The following AMPD3 variants were observed in gnomAD, a reference collection of about 807,000 sequenced individuals.
AMPD3 encodes AMP deaminase 3.
In AMPD3, 57 loss-of-function variants were observed where a neutral mutation model predicts 82.3. The observed-to-expected ratio is 0.69, with a 90% confidence interval of 0.56 to 0.86. The LOEUF (loss-of-function observed/expected upper bound fraction) is 0.86, where lower values mean the gene tolerates loss of function less well. Among genes scored for constraint, AMPD3 ranks in the 40% least tolerant of loss-of-function variants. The pLI, the probability that AMPD3 is intolerant of heterozygous loss-of-function variation, is 0.00. For synonymous variants in AMPD3, 381 were observed against 394.7 expected, an observed-to-expected ratio of 0.97 and a Z score of 0.41; for missense variants, 870 against 1,003.8, an observed-to-expected ratio of 0.87 and a Z score of 1.80.
At chr11:10,459,432 T>G (rs1848193458) in intron 1 of AMPD3, among the ~76,000 whole-genome samples, 1 of 152,108 alleles carries the variant, frequency 6.6e-6, no homozygotes, top group Non-Finnish European at 1.5e-5. Flanking sequence ...ACCACTTAGT[T>G]CAATCCCTTT....
At chr11:10,488,934 T>G (rs1364408905) in intron 6 of AMPD3, among the ~76,000 whole-genome samples, 2 of 152,160 alleles carry the variant, frequency 1.3e-5, no homozygotes, top group African/African-American at 4.8e-5. Flanking sequence ...AGACCCTACC[T>G]GGAGGCCCTA....
chr11:10,477,884 C>A, intron 2 of AMPD3: 1 of 985,436 alleles, frequency 1.0e-6, no homozygotes, highest in Non-Finnish European at 1.2e-6. Context: ...AGTAGGTCTG[C>A]TGCCAGCCAT....
chr11:10,470,466 G>C (rs1401401785), intron 2 of AMPD3, among the ~76,000 whole-genome samples: 1 of 152,150 alleles, frequency 6.6e-6, no homozygotes, highest in East Asian at 1.9e-4. Context: ...TCTGGCAGGG[G>C]CAATCAGGCA....
intron 7 of AMPD3, 63 bp from the exon 8 acceptor site, chr11:10,494,836 G>T: frequency 6.3e-7 from 1 of 1,587,220 alleles, no homozygotes; most frequent in East Asian, 2.2e-5. Flanking sequence ...TAAAGGTCTA[G>T]AGAGGGGAAC....
At chr11:10,471,273 A>C (rs1848581577) in intron 2 of AMPD3, among the ~76,000 whole-genome samples, 1 of 148,044 alleles carries the variant, frequency 6.8e-6, no homozygotes, top group Admixed American at 6.7e-5. Flanking sequence ...CAAAAAACTG[A>C]AACTGGACTC....
intron 11 of AMPD3, chr11:10,500,965 G>A: frequency 1.0e-6 from 1 of 985,406 alleles, no homozygotes; most frequent in Non-Finnish European, 1.2e-6. Context: ...TTTCGAATGG[G>A]GTCCTGATTG....
chr11:10,461,122 A>C, intron 1 of AMPD3: 3 of 1,189,480 alleles, frequency 2.5e-6, no homozygotes, highest in Admixed American at 3.7e-5. Context: ...TTATTGTTGC[A>C]GCTATAACAG....
At chr11:10,502,967 C>G (rs1380935882) in intron 13 of AMPD3, 73 bp downstream of exon 13, 63 of 1,549,214 alleles carry the variant, frequency 4.1e-5, no homozygotes, top group Middle Eastern at 3.6e-4. Context: ...ATTTCAGGAA[C>G]CTGAGCCCAT....
In AMPD3 at chr11:10,502,837, C is replaced by G; in HGVS notation, c.1959C>G (p.His653Gln). The G allele has an allele frequency of 6.2e-7, 1 of 1,614,208 alleles. No individual in the cohort carries two copies. The highest frequency in any genetic ancestry group is 8.5e-7 in the Non-Finnish European group (1 of 1,180,020). The change falls in exon 13 of 15, where the codon CAC becomes CAG. Residue 653 changes from histidine to glutamine, a missense_variant. Physicochemically the swap from His to Gln is conservative, Grantham distance 24 (BLOSUM62 0). Coordinates refer to ENST00000396553, the MANE Select transcript of AMPD3 (RefSeq NM_001025389.2). ...AGAACCCTCTGAGGGAATTCCTACA[C>G]AAGGGACTGCATGTTTCTCTTTCCA... ...YSKNPLREFL[H>Q]KGLHVSLSTD...
intron 2 of AMPD3, among the ~76,000 whole-genome samples, chr11:10,468,749 A>C (rs1159526202): frequency 6.6e-6 from 1 of 152,128 alleles, no homozygotes; most frequent in Non-Finnish European, 1.5e-5. Flanking sequence ...GAAGTAAAAC[A>C]CTCCTCAGCA....
At chr11:10,487,503 G>T (rs1463574221) in intron 6 of AMPD3, 139 bp downstream of exon 6, 5 of 1,213,348 alleles carry the variant, frequency 4.1e-6, no homozygotes, top group Non-Finnish European at 4.8e-6. Flanking sequence ...GGCCAGAGGG[G>T]TATGAAGCAT....
chr11:10,482,346 T>C, intron 4 of AMPD3, 121 bp downstream of exon 4: 5 of 1,158,406 alleles, frequency 4.3e-6, no homozygotes, highest in Non-Finnish European at 6.0e-6. Context: ...GTTCTTTCAT[T>C]GGCTTCTCCC....
intron 7 of AMPD3, 68 bp from the exon 8 acceptor site, chr11:10,494,831 G>T (rs575627303): frequency 3.2e-6 from 5 of 1,583,762 alleles, no homozygotes; most frequent in Non-Finnish European, 4.3e-6. Flanking sequence ...CCTCGTAAAG[G>T]TCTAGAGAGG....
In AMPD3 at chr11:10,484,582, G is replaced by A. The variant is rs182978628; in HGVS notation, c.590-238G>A. On this transcript the variant is annotated intron_variant, in intron 4 of 14. Transcript: ENST00000396553. The stretch of plus-strand genomic sequence containing the variant: ...ACAGCACAAATTAAAGTCTCTGCCT[G>A]CATGGAGTTTCTATTGGAGTGGAGA... The A allele has an allele frequency of 4.6e-6, 4 of 863,810 alleles. No homozygotes were observed. In the Admixed American group the frequency reaches 2.5e-4, roughly 54 times the overall value. 53.5% of individuals were successfully genotyped at this position (863,810 alleles called of 1,614,324 possible).
chr11:10,468,194 A>C (rs1848477242), intron 2 of AMPD3, among the ~76,000 whole-genome samples: 1 of 152,232 alleles, frequency 6.6e-6, no homozygotes, highest in African/African-American at 2.4e-5. Flanking sequence ...AAACGGGCTA[A>C]ATGCCCCAAT....
Position 10,505,914 on chromosome 11 carries a change from T to C in AMPD3, c.*30T>C, listed in dbSNP as rs370781990. 14 of 1,613,286 alleles carry C rather than the reference T, an allele frequency of 8.7e-6. No individual in the cohort carries two copies. The highest frequency in any genetic ancestry group is 8.0e-5 in the African/African-American group (6 of 75,052). ...AGCATTTGACATGCATTTTAACTTTTTGGTTCAATTTCAAGTCTGCTGTGG... is the reference window on the plus strand; with the variant it reads ...AGCATTTGACATGCATTTTAACTTTCTGGTTCAATTTCAAGTCTGCTGTGG... On this transcript the variant is annotated 3_prime_UTR_variant, in exon 15 of 15. Coordinates refer to ENST00000396553, the MANE Select transcript of AMPD3 (RefSeq NM_001025389.2).
At chr11:10,497,294 T>TA (rs1322929063) in intron 10 of AMPD3, among the ~76,000 whole-genome samples, 1 of 151,000 alleles carries the variant, frequency 6.6e-6, no homozygotes, top group African/African-American at 2.4e-5. Context: ...AGCCTCAGGT[T>TA]TTTTTTTCGG....
At chr11:10,465,302 G>A (rs1422356886) in intron 2 of AMPD3, among the ~76,000 whole-genome samples, 1 of 152,130 alleles carries the variant, frequency 6.6e-6, no homozygotes, top group Non-Finnish European at 1.5e-5. Context: ...GATGATCCTG[G>A]GTCATTGAGA....
intron 1 of AMPD3, chr11:10,460,878 T>G (rs58910510): frequency 0.14 from 134,035 of 984,884 alleles, 9,256 homozygotes; most frequent in African/African-American, 0.19. Flanking sequence ...AAAGCTTCTT[T>G]GAGGGAGTGA....
Sources: gnomAD v4.1 joint callset for allele counts (sites outside exome capture counted in the v4.1 genomes callset) on GRCh38, gnomAD v4.1.1 for gene constraint, MANE v1.5 for transcripts, NCBI Gene and HGNC (gene_info 2026-07-23, HGNC 2026-07-21) for gene names.